The following PIK3R4 variants were observed in gnomAD, a reference collection of about 807,000 sequenced individuals.
The protein encoded by PIK3R4 is phosphoinositide 3-kinase regulatory subunit 4.
PIK3R4 carries 46 observed loss-of-function variants against 136.5 expected under a neutral mutation model. That is an observed-to-expected ratio of 0.34 (90% CI 0.27 to 0.43). The LOEUF (loss-of-function observed/expected upper bound fraction) is 0.43, where lower values mean the gene tolerates loss of function less well. PIK3R4 is among the 20% of genes least tolerant of loss of function. PIK3R4 has a pLI of 1.00. For missense variants in PIK3R4, 1,331 were observed against 1,649.5 expected (o/e 0.81, Z 3.35); for synonymous variants, 557 against 566.7 (o/e 0.98, Z 0.24).
At chr3:130,680,519 C>A in intron 19 of PIK3R4, 94 bp downstream of exon 19, 2 of 594,906 alleles carry the variant, frequency 3.4e-6, no homozygotes, top group Non-Finnish European at 5.9e-6. Context: ...CAAAGTACTC[C>A]TCGCTTGGTC....
intron 12 of PIK3R4, 59 bp downstream of exon 12, chr3:130,705,502 T>C: frequency 9.1e-7 from 1 of 1,099,304 alleles, no homozygotes; most frequent in East Asian, 2.4e-5. Flanking sequence ...TTTCCTCTAT[T>C]AGATTCTAGC....
Position 130,730,299 on chromosome 3 carries a change from T to C in PIK3R4, c.1585+9A>G. Reference sequence around the variant, plus strand: ...ATAACAGGAAATCTGGAAGAGAAAATTATACAACCTGTGTCATAATTTCCA... The same window carrying C: ...ATAACAGGAAATCTGGAAGAGAAAACTATACAACCTGTGTCATAATTTCCA... On this transcript the variant is annotated intron_variant, in intron 5 of 19. Coordinates refer to ENST00000356763, the MANE Select transcript of PIK3R4 (RefSeq NM_014602.3). 1 of 1,580,058 alleles carries C rather than the reference T, an allele frequency of 6.3e-7. No homozygotes were observed. Among genetic ancestry groups the C allele is most frequent in the Non-Finnish European group, 8.6e-7 (1 of 1,165,956 alleles).
chr3:130,716,338 CTT>C, intron 9 of PIK3R4, 56 bp downstream of exon 9: 1 of 1,372,556 alleles, frequency 7.3e-7, no homozygotes, highest in Non-Finnish European at 1.0e-6. Context: ...TAAATGGACA[CTT>C]CAATATTTTT....
At chr3:130,711,953 TG>T (rs1352166675) in intron 9 of PIK3R4, among the ~76,000 whole-genome samples, 1 of 152,230 alleles carries the variant, frequency 6.6e-6, no homozygotes, top group Admixed American at 6.5e-5. Flanking sequence ...TCATTAAAAA[TG>T]TAACTCATTT....
At chr3:130,736,502 A>T (rs1559831039) in intron 2 of PIK3R4, among the ~76,000 whole-genome samples, 1 of 152,092 alleles carries the variant, frequency 6.6e-6, no homozygotes, top group African/African-American at 2.4e-5. Context: ...CCAGGAGATG[A>T]GGTAGAGAGA....
intron 1 of PIK3R4, among the ~76,000 whole-genome samples, chr3:130,745,977 G>C (rs1433110402): frequency 5.9e-5 from 9 of 151,414 alleles, no homozygotes; most frequent in Non-Finnish European, 1.3e-4. Context: ...TGGAGATCCC[G>C]CCACCGCACT....
intron 2 of PIK3R4, among the ~76,000 whole-genome samples, chr3:130,742,979 C>T (rs1221964922): frequency 1.3e-5 from 2 of 152,150 alleles, no homozygotes; most frequent in Non-Finnish European, 2.9e-5. Flanking sequence ...CCACTGATTT[C>T]ATTAAATTTT....
rs373430542 is a variant in PIK3R4 at position 130,745,150 on chromosome 3, A to G, written c.69T>C (p.Ile23=). The part of the protein sequence containing the change: ...ILSVESYFSD[I]HDFEYDKSLG... ...GGCTTTTATCATATTCAAAGTCATG[A>G]ATATCTGAAAAATAACTCTCTACAG... is the stretch of plus-strand genomic sequence containing the variant. The change falls in exon 2 of 20, where the codon ATT becomes ATC. Residue 23 remains isoleucine (I), a synonymous_variant. Coordinates refer to ENST00000356763, the MANE Select transcript of PIK3R4 (RefSeq NM_014602.3). The G allele has an allele frequency of 6.7e-5, 108 of 1,612,644 alleles. No homozygotes were observed. Among genetic ancestry groups the G allele is most frequent in the Non-Finnish European group, 8.7e-5 (103 of 1,179,900 alleles).
chr3:130,694,779 T>C (rs1242077922), intron 13 of PIK3R4, among the ~76,000 whole-genome samples: 1 of 152,114 alleles, frequency 6.6e-6, no homozygotes, highest in Non-Finnish European at 1.5e-5. Context: ...AATTTCTTCT[T>C]CTTACCCAAA....
chr3:130,729,480 C>T (rs534387740), intron 5 of PIK3R4, among the ~76,000 whole-genome samples: 2 of 152,208 alleles, frequency 1.3e-5, no homozygotes, highest in South Asian at 4.2e-4. Flanking sequence ...CTTTAGATTC[C>T]CTCCCCAAAA....
chr3:130,722,591 T>G (rs887060195), intron 7 of PIK3R4, among the ~76,000 whole-genome samples: 2 of 152,160 alleles, frequency 1.3e-5, no homozygotes, highest in Non-Finnish European at 2.9e-5. Context: ...ATGTATTATG[T>G]GAAATTATAA....
At chr3:130,686,491 G>T (rs1045907901) in intron 14 of PIK3R4, 69 bp from the exon 15 acceptor site, 1 of 920,048 alleles carries the variant, frequency 1.1e-6, no homozygotes, top group Non-Finnish European at 1.8e-6. Flanking sequence ...CCTTTAAGAT[G>T]ACTTTATATC....
intron 7 of PIK3R4, among the ~76,000 whole-genome samples, chr3:130,720,005 C>G (rs193206297): frequency 6.6e-6 from 1 of 152,126 alleles, no homozygotes; most frequent in Non-Finnish European, 1.5e-5. Context: ...GAACCTGAAG[C>G]AGGGCCACCT....
rs1553730039 is a variant in PIK3R4 at position 130,728,693 on chromosome 3, A to AG, written c.1586-10_1586-9insC. Reference sequence around the variant, plus strand: ...ATGTAAGGCTTGGAGCTCTAAAAAAAAAAAAAAAAGAAAGAAAGAAAGAAA... The same window carrying AG: ...ATGTAAGGCTTGGAGCTCTAAAAAAAGAAAAAAAAAGAAAGAAAGAAAGAAA... On this transcript the variant is annotated splice_polypyrimidine_tract_variant and intron_variant, in intron 5 of 19. Coordinates refer to ENST00000356763, the MANE Select transcript of PIK3R4 (RefSeq NM_014602.3). The AG allele has an allele frequency of 1.3e-6, 2 of 1,504,118 alleles. No homozygotes were observed. 93.2% of individuals were successfully genotyped at this position (1,504,118 alleles called of 1,614,324 possible). A position where few individuals can be genotyped will look rare whatever the true frequency, so the allele number is the denominator to read the frequency against.
At position 130,680,715 on chromosome 3, in the gene PIK3R4, C is replaced by A; in HGVS notation, c.3804G>T (p.Trp1268Cys). 1 of 1,597,944 alleles carries A rather than the reference C, an allele frequency of 6.3e-7. No individual in the cohort carries two copies. Among genetic ancestry groups the A allele is most frequent in the South Asian group, 1.1e-5 (1 of 90,174 alleles). Residue 1268 changes from tryptophan to cysteine, a missense_variant, in exon 19 of 20, where the codon TGG (tryptophan) becomes TGT (cysteine). This residue lies in a region of PIK3R4 where 1,180 missense variants were observed against 1,407.0 expected (regional missense o/e 0.84). Coordinates refer to ENST00000356763, the MANE Select transcript of PIK3R4 (RefSeq NM_014602.3). ...TAGSDMKIRFWDLAYPERSYV... is the reference protein window; with the variant it reads ...TAGSDMKIRFCDLAYPERSYV... ...AGGACCTTTCTGGGTAAGCCAAGTC[C>A]CAAAACCTAGGAAAGAGGAAATAAA...
intron 2 of PIK3R4, among the ~76,000 whole-genome samples, chr3:130,741,955 A>T (rs1047705262): frequency 6.6e-6 from 1 of 152,232 alleles, no homozygotes; most frequent in African/African-American, 2.4e-5. Context: ...AACTTTAAGT[A>T]CAACAACGTA....
chr3:130,697,062 GCTTT>G (rs1303731924), intron 13 of PIK3R4, among the ~76,000 whole-genome samples: 1,018 of 96,304 alleles, frequency 0.011, 21 homozygotes, highest in African/African-American at 0.035. Flanking sequence ...GGCCACTCCA[GCTTT>G]TTTTTTTTTT....
chr3:130,718,325 A>C, intron 8 of PIK3R4, 64 bp downstream of exon 8: 1 of 1,420,936 alleles, frequency 7.0e-7, no homozygotes, highest in Non-Finnish European at 9.8e-7. Flanking sequence ...AGGACTCTCT[A>C]AACATTTTTT....
chr3:130,681,475 A>G lies in PIK3R4; in HGVS notation c.3708+16T>C, dbSNP rs780317460. 1 of 1,475,706 alleles carries G rather than the reference A, an allele frequency of 6.8e-7. No individual in the cohort carries two copies. Among genetic ancestry groups the G allele is most frequent in the Admixed American group, 1.7e-5 (1 of 59,728 alleles). The allele number at this position is 1,475,706 out of a possible 1,614,324, so 91.4% of individuals were successfully genotyped here. A position where few individuals can be genotyped will look rare whatever the true frequency, so the allele number is the denominator to read the frequency against. On this transcript the variant is annotated intron_variant, in intron 17 of 19. Transcript: ENST00000356763. ...GGGAATAATATCATCCTTTACAGTA[A>G]AAACTGAAGTCAAACCTGTAATTCA...
Sources: allele counts gnomAD v4.1 joint callset (sites outside exome capture counted in the v4.1 genomes callset), GRCh38; gene constraint gnomAD v4.1.1; regional missense constraint gnomAD v4.1.1; transcripts MANE v1.5; gene names NCBI Gene and HGNC (gene_info 2026-07-23, HGNC 2026-07-21).